TENT5D: variants seen among roughly 807,000 people sequenced by gnomAD.
TENT5D encodes terminal nucleotidyltransferase 5D.
For synonymous variants in TENT5D, 103 were observed against 100.6 expected (o/e 1.02, Z -0.15); for missense variants, 191 against 287.0 (o/e 0.67, Z 2.42).
chrX:80,382,064 G>T (rs750934323), intron 3 of TENT5D, among the ~76,000 whole-genome samples: 1 of 111,974 alleles, frequency 8.9e-6, no homozygotes, highest in Non-Finnish European at 1.9e-5. Flanking sequence ...CAGCTTTTCT[G>T]CTCTGGTTTC....
upstream of TENT5D, among the ~76,000 whole-genome samples, chrX:80,415,772 T>A (rs956340487): frequency 1.8e-5 from 2 of 111,668 alleles, no homozygotes; most frequent in Non-Finnish European, 3.8e-5. Flanking sequence ...GTTTTGACTT[T>A]GCCGTTTTGT....
chrX:80,429,993 CTTT>C (rs777917109), intron 1 of TENT5D, among the ~76,000 whole-genome samples: 1 of 102,521 alleles, frequency 9.8e-6, no homozygotes, highest in Non-Finnish European at 2.0e-5. Context: ...GGGGATCCTG[CTTT>C]TTTTTTTTTC....
upstream of TENT5D, among the ~76,000 whole-genome samples, chrX:80,419,529 T>G (rs888102828): frequency 8.9e-6 from 1 of 112,311 alleles, no homozygotes; most frequent in African/African-American, 3.2e-5. Flanking sequence ...TCTTCCTATA[T>G]CTACCTATTT....
chrX:80,381,870 A>T (rs1202163215), intron 3 of TENT5D, among the ~76,000 whole-genome samples: 1 of 111,402 alleles, frequency 9.0e-6, no homozygotes, highest in Non-Finnish European at 1.9e-5. Context: ...ATCTTTTTTC[A>T]AGGTTTTTAG....
chrX:80,343,983 G>A (rs373432161), intron 3 of TENT5D, among the ~76,000 whole-genome samples: 2 of 110,240 alleles, frequency 1.8e-5, no homozygotes, highest in African/African-American at 3.3e-5. Context: ...CCTGGTGTCG[G>A]TTTTTCCCCT....
At chrX:80,405,801 G>A (rs1168454032) in intron 3 of TENT5D, among the ~76,000 whole-genome samples, 1 of 112,768 alleles carries the variant, frequency 8.9e-6, no homozygotes, top group Non-Finnish European at 1.9e-5. Context: ...TCTGGGGGCA[G>A]GGCACAGACA....
chrX:80,359,690 G>A (rs1302727759), intron 3 of TENT5D, among the ~76,000 whole-genome samples: 4 of 111,116 alleles, frequency 3.6e-5, no homozygotes, highest in African/African-American at 1.3e-4. Flanking sequence ...AATGTAGATG[G>A]CAGGTTGATG....
chrX:80,436,348 T>C (rs945321009), intron 1 of TENT5D, among the ~76,000 whole-genome samples: 1 of 111,347 alleles, frequency 9.0e-6, no homozygotes, highest in Non-Finnish European at 1.9e-5. Flanking sequence ...AATGACTTTT[T>C]CAAGGCAAAG....
chrX:80,433,688 G>T (rs1023998735), intron 1 of TENT5D, among the ~76,000 whole-genome samples: 1 of 111,732 alleles, frequency 8.9e-6, no homozygotes, highest in Admixed American at 9.6e-5. Flanking sequence ...TTGTTCCAAT[G>T]AACCTTTCAC....
intron 3 of TENT5D, among the ~76,000 whole-genome samples, chrX:80,388,378 C>T (rs1440851184): frequency 3.6e-5 from 4 of 111,959 alleles, no homozygotes; most frequent in East Asian, 5.6e-4. Flanking sequence ...CAGAATCTCA[C>T]GCAAGGCCCA....
Position 80,377,400 on chromosome X carries a change from G to A in TENT5D, c.-142+34836G>A, listed in dbSNP as rs1212850777. Among the ~76,000 whole-genome samples the A allele has an allele frequency of 1.8e-4, 20 of 110,394 alleles. No individual in the cohort carries two copies. In the Admixed American group the frequency reaches 1.8e-3, roughly 10 times the overall value. ...TCCCTCCCCCATATACCCACTCCAC[G>A]ACAGGCCCCAGTGTGTGATGTTCCC... On this transcript the variant is annotated intron_variant, in intron 3 of 4. Transcript: ENST00000538312.
chrX:80,384,581 C>A (rs1464792026), intron 3 of TENT5D, among the ~76,000 whole-genome samples: 1 of 87,496 alleles, frequency 1.1e-5, no homozygotes, highest in Non-Finnish European at 2.2e-5. Flanking sequence ...CCAGGGCAAT[C>A]AGGCAGGAGA....
At chrX:80,439,628 C>A (rs1046117423) in intron 2 of TENT5D, among the ~76,000 whole-genome samples, 1 of 110,690 alleles carries the variant, frequency 9.0e-6, no homozygotes. Context: ...CCAAAAGGAG[C>A]ATAACATTAT....
intron 3 of TENT5D, among the ~76,000 whole-genome samples, chrX:80,395,473 T>C (rs930897505): frequency 2.7e-5 from 3 of 112,104 alleles, no homozygotes; most frequent in Admixed American, 9.4e-5. Flanking sequence ...TGCTAATTAA[T>C]ATTCTCACCA....
At chrX:80,442,802 G>A (rs1368926663) in exon 3 of TENT5D, 2 of 1,211,330 alleles carry the variant, frequency 1.7e-6, no homozygotes, top group Non-Finnish European at 2.2e-6. Context: ...GTTATTTTTG[G>A]TGTTGAGCTT....
upstream of TENT5D, among the ~76,000 whole-genome samples, chrX:80,416,375 G>A (rs1301856445): frequency 1.0e-5 from 1 of 97,918 alleles, no homozygotes; most frequent in Non-Finnish European, 2.1e-5. Context: ...TCCTCTTTAC[G>A]TTATGTTAGT....
chrX:80,416,758 C>A (rs1931786774), upstream of TENT5D, among the ~76,000 whole-genome samples: 1 of 110,597 alleles, frequency 9.0e-6, no homozygotes, highest in East Asian at 2.8e-4. Context: ...GTGCCATGTG[C>A]AGCTGTGAAT....
intron 1 of TENT5D, among the ~76,000 whole-genome samples, chrX:80,423,387 C>T (rs1478328933): frequency 5.4e-5 from 6 of 111,481 alleles, no homozygotes; most frequent in Non-Finnish European, 1.1e-4. Flanking sequence ...GTTTAATAAG[C>T]AAAAGAAGAA....
chrX:80,373,819 G>A (rs1003602809), intron 3 of TENT5D, among the ~76,000 whole-genome samples: 19 of 111,220 alleles, frequency 1.7e-4, no homozygotes, highest in Non-Finnish European at 3.2e-4. Flanking sequence ...ATATTTTTTA[G>A]ATTAATCTTC....
Sources: allele counts gnomAD v4.1 joint callset (sites outside exome capture counted in the v4.1 genomes callset), GRCh38; gene constraint gnomAD v4.1.1; transcripts MANE v1.5; gene names NCBI Gene and HGNC (gene_info 2026-07-23, HGNC 2026-07-21).